MARCHF7: variants seen among roughly 807,000 people sequenced by gnomAD.
The protein encoded by MARCHF7 is E3 ubiquitin-protein ligase MARCHF7.
In MARCHF7, 20 loss-of-function variants were observed where a neutral mutation model predicts 76.5. That is an observed-to-expected ratio of 0.26 (90% CI 0.18 to 0.38). MARCHF7 has a LOEUF of 0.38. MARCHF7 is among the 10% of genes least tolerant of loss of function. The probability of loss-of-function intolerance (pLI) is 1.00; values close to 1 mark genes in which losing one functional copy is unlikely to be tolerated. For synonymous variants in MARCHF7, 295 were observed against 293.0 expected (o/e 1.01, Z -0.07); for missense variants, 797 against 812.9 (o/e 0.98, Z 0.24).
chr2:159,757,071 T>G (rs937951204), intron 8 of MARCHF7, among the ~76,000 whole-genome samples: 10 of 152,068 alleles, frequency 6.6e-5, no homozygotes, highest in African/African-American at 2.4e-4. Flanking sequence ...TTTTTTGTAT[T>G]TTTAGTAGAG....
intron 8 of MARCHF7, 65 bp from the exon 9 acceptor site, chr2:159,759,161 C>T (rs765016005): frequency 6.5e-5 from 54 of 834,538 alleles, no homozygotes; most frequent in East Asian, 3.5e-4. Flanking sequence ...TAAAACTTAA[C>T]GAGGAAAAGT....
chr2:159,764,170 T>A (rs1393035199), intron 10 of MARCHF7, among the ~76,000 whole-genome samples: 1 of 151,566 alleles, frequency 6.6e-6, no homozygotes, highest in Non-Finnish European at 1.5e-5. Flanking sequence ...AACTGTATAC[T>A]TTTATCAAAT....
chr2:159,722,470 G>A (rs1176878189), intron 3 of MARCHF7, among the ~76,000 whole-genome samples: 1 of 152,154 alleles, frequency 6.6e-6, no homozygotes. Context: ...AACTATTGAA[G>A]TTATGTGATT....
chr2:159,749,739 G>GCT (rs72155655), intron 7 of MARCHF7, among the ~76,000 whole-genome samples: 1 of 131,334 alleles, frequency 7.6e-6, no homozygotes, highest in Non-Finnish European at 1.7e-5. Context: ...GGTTGGGGCG[G>GCT]GGGGGGCGGT....
At chr2:159,746,993 T>A (rs1165367911) in intron 6 of MARCHF7, among the ~76,000 whole-genome samples, 1 of 152,146 alleles carries the variant, frequency 6.6e-6, no homozygotes, top group Non-Finnish European at 1.5e-5. Context: ...AGAAATAGAT[T>A]TAGTTCCTAA....
At chr2:159,763,969 C>T (rs1707408916) in intron 10 of MARCHF7, among the ~76,000 whole-genome samples, 1 of 152,064 alleles carries the variant, frequency 6.6e-6, no homozygotes, top group Admixed American at 6.5e-5. Context: ...CCCCTAAAAC[C>T]TTAATACCGT....
intron 3 of MARCHF7, among the ~76,000 whole-genome samples, chr2:159,722,581 A>G (rs894983459): frequency 1.3e-5 from 2 of 152,198 alleles, no homozygotes; most frequent in African/African-American, 4.8e-5. Flanking sequence ...TTAAGTATTA[A>G]TTACTGTGCT....
intron 8 of MARCHF7, among the ~76,000 whole-genome samples, chr2:159,756,564 G>T (rs1025715593): frequency 3.3e-5 from 5 of 151,860 alleles, no homozygotes; most frequent in Admixed American, 2.6e-4. Flanking sequence ...GCGCACACCT[G>T]TAATCCCAGC....
rs754962615 is a variant in MARCHF7, at chr2:159,730,063, G to A, written c.153+888G>A. On this transcript the variant is annotated intron_variant, in intron 4 of 11. Transcript: ENST00000409175. ...CTCTTATGTAGCTAGTTTTCGTTAGGACCACAAGCTTTTTGTTTTGTTTGA... is the reference window on the plus strand; with the variant it reads ...CTCTTATGTAGCTAGTTTTCGTTAGAACCACAAGCTTTTTGTTTTGTTTGA... Among the ~76,000 whole-genome samples, 99 of 152,188 alleles carry A rather than the reference G, an allele frequency of 6.5e-4. 1 individual carries two copies. The highest frequency in any genetic ancestry group is 1.2e-3 in the Non-Finnish European group (80 of 68,008).
intron 4 of MARCHF7, among the ~76,000 whole-genome samples, chr2:159,740,665 T>C (rs770597946): frequency 5.9e-5 from 9 of 152,330 alleles, no homozygotes; most frequent in Admixed American, 2.0e-4. Flanking sequence ...GTGTCTGTAA[T>C]ATTAGGTACA....
intron 3 of MARCHF7, among the ~76,000 whole-genome samples, chr2:159,718,563 A>G (rs937925804): frequency 6.6e-6 from 1 of 152,098 alleles, no homozygotes; most frequent in Non-Finnish European, 1.5e-5. Context: ...CTTGAGAAAA[A>G]CCTTCATAAG....
At chr2:159,723,066 A>G (rs1489175091) in intron 3 of MARCHF7, among the ~76,000 whole-genome samples, 1 of 152,238 alleles carries the variant, frequency 6.6e-6, no homozygotes, top group Admixed American at 6.5e-5. Flanking sequence ...CTCTGATTGC[A>G]AATACAGTCC....
At chr2:159,763,544 C>T (rs142636731) in intron 10 of MARCHF7, among the ~76,000 whole-genome samples, 119 of 152,284 alleles carry the variant, frequency 7.8e-4, no homozygotes, top group Non-Finnish European at 1.5e-3. Flanking sequence ...AAATGATGCT[C>T]TTTGTGTCAG....
chr2:159,743,446 T>A (rs138900442), intron 5 of MARCHF7, among the ~76,000 whole-genome samples, 193 bp downstream of exon 5: 1 of 152,222 alleles, frequency 6.6e-6, no homozygotes, highest in African/African-American at 2.4e-5. Context: ...AAAATTGATA[T>A]AGATATCCTA....
At chr2:159,765,318 TATA>T (rs886090993) in intron 11 of MARCHF7, among the ~76,000 whole-genome samples, 1 of 152,096 alleles carries the variant, frequency 6.6e-6, no homozygotes, top group Non-Finnish European at 1.5e-5. Flanking sequence ...TGGCTGGGAT[TATA>T]AGTGAAGGCA....
rs555354139 is a variant in MARCHF7, at chr2:159,730,408, G to A, written c.153+1233G>A. On this transcript the variant is annotated intron_variant, in intron 4 of 11. Coordinates refer to ENST00000409175, the MANE Select transcript of MARCHF7 (RefSeq NM_001282805.2). ...ATGACAAAGTCTCATAAAAATGTTCGTACACAGTAGTAAGCATTCTTTAAG... is the reference window on the plus strand; with the variant it reads ...ATGACAAAGTCTCATAAAAATGTTCATACACAGTAGTAAGCATTCTTTAAG... 4.9e-4 allele frequency among the ~76,000 whole-genome samples: 75 copies of A among 152,184 alleles called. No individual in the cohort carries two copies. In the Middle Eastern group the frequency reaches 0.044, roughly 90 times the overall value.
intron 3 of MARCHF7, among the ~76,000 whole-genome samples, chr2:159,722,643 A>G (rs1701760257): frequency 6.6e-6 from 1 of 152,236 alleles, no homozygotes; most frequent in Non-Finnish European, 1.5e-5. Flanking sequence ...GGACTTGAAA[A>G]GATGTCTCTT....
chr2:159,725,993 T>G (rs796127407), intron 3 of MARCHF7, among the ~76,000 whole-genome samples: 9 of 152,026 alleles, frequency 5.9e-5, no homozygotes, highest in African/African-American at 2.2e-4. Context: ...CACAAAAGAG[T>G]CTGTGGGTCT....
chr2:159,753,731 C>T (rs1705954054), intron 8 of MARCHF7, among the ~76,000 whole-genome samples: 1 of 152,100 alleles, frequency 6.6e-6, no homozygotes, highest in South Asian at 2.1e-4. Flanking sequence ...AAGAGTAGTA[C>T]AGGGAGACGA....
Sources: allele counts gnomAD v4.1 joint callset (sites outside exome capture counted in the v4.1 genomes callset), GRCh38; gene constraint gnomAD v4.1.1; transcripts MANE v1.5; gene names NCBI Gene and HGNC (gene_info 2026-07-23, HGNC 2026-07-21).